The following RB1CC1 variants were observed in gnomAD, a reference collection of about 807,000 sequenced individuals.
The protein encoded by RB1CC1 is RB1-inducible coiled-coil protein 1.
A neutral mutation model predicts 177.5 loss-of-function variants in RB1CC1; 46 were observed. The observed-to-expected ratio is 0.26, with a 90% CI of 0.20 to 0.33. The LOEUF is 0.33. Among genes scored for constraint, RB1CC1 ranks in the 10% least tolerant of loss-of-function variants. The pLI is 1.00. For missense variants in RB1CC1, 1,703 were observed against 1,816.3 expected, an observed-to-expected ratio of 0.94 and a Z score of 1.13; for synonymous variants, 666 against 613.6, an observed-to-expected ratio of 1.09 and a Z score of -1.26.
chr8:52,649,656 A>C (rs1273548636), intron 15 of RB1CC1, among the ~76,000 whole-genome samples: 1 of 152,160 alleles, frequency 6.6e-6, no homozygotes, highest in Non-Finnish European at 1.5e-5. Flanking sequence ...TAAAATAAAA[A>C]TCTCTTTTGA....
intron 1 of RB1CC1, among the ~76,000 whole-genome samples, chr8:52,712,874 C>G (rs2150738745): frequency 2.0e-5 from 3 of 152,316 alleles, no homozygotes; most frequent in Middle Eastern, 3.4e-3. Flanking sequence ...TAGCAATGGT[C>G]TGCTTATAAA....
chr8:52,704,261 C>T (rs1007003672), intron 1 of RB1CC1, among the ~76,000 whole-genome samples: 4 of 152,038 alleles, frequency 2.6e-5, no homozygotes, highest in African/African-American at 7.2e-5. Context: ...TATAAATAGT[C>T]AAATCATACA....
Position 52,656,846 on chromosome 8 carries a change from G to C in RB1CC1, c.2983C>G (p.Leu995Val), listed in dbSNP as rs1374747682. ...AACTCTTGTATGTGCCTAACCTGAAGTGTGTCCTCTAATTCCTTTAGATGA... is the reference window on the plus strand; with the variant it reads ...AACTCTTGTATGTGCCTAACCTGAACTGTGTCCTCTAATTCCTTTAGATGA... The part of the protein sequence containing the change: ...QSHLKELEDT[L>V]QVRHIQEFEK... Residue 995 changes from leucine to valine, a missense_variant, in exon 15 of 24, where the codon CTT becomes GTT. Leu to Val is a conservative substitution (Grantham distance 32). Around this residue, in one of 6 missense-constraint regions of RB1CC1, gnomAD observed 1,169 missense variants for 1,184.7 expected, o/e 0.99. Transcript: ENST00000025008. The C allele has an allele frequency of 6.2e-7, 1 of 1,613,570 alleles. No homozygotes were observed. Among genetic ancestry groups the C allele is most frequent in the Non-Finnish European group, 8.5e-7 (1 of 1,180,000 alleles).
rs368534485 is a variant in RB1CC1, at chr8:52,656,937, C to T, written c.2892G>A (p.Lys964=). 6 of 1,613,196 alleles carry T rather than the reference C, an allele frequency of 3.7e-6. No homozygotes were observed. In the African/African-American group the frequency reaches 6.7e-5, roughly 18 times the overall value. Reference sequence around the variant, plus strand: ...ACTTCTCATCATTTTCAACATGGAGCTTTTTTAAGTCTTCTAACACTATTT... The same window carrying T: ...ACTTCTCATCATTTTCAACATGGAGTTTTTTTAAGTCTTCTAACACTATTT... ...SREIVLEDLK[K]LHVENDEKLQ... is the part of the protein sequence containing the mutation. The change falls in exon 15 of 24, where the codon AAG becomes AAA. Residue 964 remains lysine (K), a synonymous_variant. Coordinates refer to ENST00000025008, the MANE Select transcript of RB1CC1 (RefSeq NM_014781.5).
intron 4 of RB1CC1, 54 bp downstream of exon 4, chr8:52,683,833 C>T: frequency 2.5e-6 from 4 of 1,596,860 alleles, no homozygotes; most frequent in Non-Finnish European, 3.4e-6. Flanking sequence ...ACTGAGTTCC[C>T]AATGTGATGT....
intron 1 of RB1CC1, among the ~76,000 whole-genome samples, chr8:52,694,913 G>GA (rs1408543741): frequency 2.6e-5 from 4 of 152,176 alleles, no homozygotes; most frequent in Non-Finnish European, 4.4e-5. Context: ...AATATCCAAA[G>GA]ATGTGATTAC....
At chr8:52,698,683 T>G (rs1236308937) in intron 1 of RB1CC1, among the ~76,000 whole-genome samples, 1 of 1,870 alleles carries the variant, frequency 5.3e-4, no homozygotes, top group Non-Finnish European at 1.6e-3. Flanking sequence ...TTTTTTTTTT[T>G]TTTTTTTTTT....
intron 6 of RB1CC1, among the ~76,000 whole-genome samples, chr8:52,674,785 A>C (rs1852942367): frequency 6.6e-6 from 1 of 152,096 alleles, no homozygotes; most frequent in African/African-American, 2.4e-5. Flanking sequence ...AAAAAAAAAA[A>C]ACACTCTAAA....
chr8:52,634,770 C>G, intron 20 of RB1CC1, 151 bp downstream of exon 20: 2 of 612,166 alleles, frequency 3.3e-6, no homozygotes, highest in Non-Finnish European at 5.4e-6. Context: ...TTCTGAAAAT[C>G]AATAGGATTC....
Position 52,656,659 on chromosome 8 carries a change from C to A in RB1CC1, c.3170G>T (p.Arg1057Ile), listed in dbSNP as rs2150476213. The A allele has an allele frequency of 6.2e-7, 1 of 1,613,922 alleles. No individual in the cohort carries two copies. The highest frequency in any genetic ancestry group is 2.2e-5 in the East Asian group (1 of 44,866). ...KLKVSDLSDT[R>I]CKLEVELALK... ...CGCAAGTTCAACCTCTAACTTGCAT[C>A]TCGTGTCTGACAAATCAGAAACCTT... The change falls in exon 15 of 24, where the codon AGA becomes ATA. Residue 1057 changes from arginine (R) to isoleucine (I), a missense_variant. Around this residue, in one of 6 missense-constraint regions of RB1CC1, gnomAD observed 1,169 missense variants for 1,184.7 expected, o/e 0.99. Transcript: ENST00000025008.
chr8:52,659,308 G>T (rs1185281710), intron 12 of RB1CC1, among the ~76,000 whole-genome samples: 1 of 151,954 alleles, frequency 6.6e-6, no homozygotes, highest in African/African-American at 2.4e-5. Flanking sequence ...ATGTAAGTGT[G>T]TGCGTATATA....
intron 4 of RB1CC1, 46 bp from the exon 5 acceptor site, chr8:52,683,765 A>T: frequency 6.4e-7 from 1 of 1,560,546 alleles, no homozygotes. Context: ...AAATGTTATA[A>T]ATACTGAGCG....
chr8:52,653,956 G>A (rs1850860624), intron 15 of RB1CC1, among the ~76,000 whole-genome samples: 2 of 152,090 alleles, frequency 1.3e-5, no homozygotes, highest in Admixed American at 6.6e-5. Context: ...TCCCTTACTC[G>A]TGGAACAAGG....
Position 52,630,532 on chromosome 8 carries a change from A to G in RB1CC1, c.4441-4T>C, listed in dbSNP as rs754818935. The G allele has an allele frequency of 1.1e-6, 1 of 893,008 alleles. No individual in the cohort carries two copies. Among genetic ancestry groups the G allele is most frequent in the Admixed American group, 3.0e-5 (1 of 33,638 alleles). The allele number at this position is 893,008 out of a possible 1,614,324, so 55.3% of individuals were successfully genotyped here. On this transcript the variant is annotated splice_region_variant and splice_polypyrimidine_tract_variant and intron_variant, in intron 20 of 23. Transcript: ENST00000025008. ...CTGAAGACATGCTCTGAGACATCTA[A>G]AAAAAAAAAAAAAGTTTATGAACTT...
chr8:52,658,247 CAGAAGTATTTTA>C (rs1158442309), intron 13 of RB1CC1, 123 bp from the exon 14 acceptor site: 1 of 1,117,470 alleles, frequency 8.9e-7, no homozygotes, highest in East Asian at 2.6e-5. Context: ...AAATTAATAC[CAGAAGTATTTTA>C]AGAAGTTTGT....
At chr8:52,642,940 A>G (rs1054312856) in intron 16 of RB1CC1, 128 bp from the exon 17 acceptor site, 1 of 1,057,444 alleles carries the variant, frequency 9.5e-7, no homozygotes, top group Non-Finnish European at 1.2e-6. Flanking sequence ...ATGATTCATG[A>G]AATGTTTTAA....
In RB1CC1 at chr8:52,674,151, A is replaced by G; in HGVS notation, c.696T>C (p.Ala232=). The G allele has an allele frequency of 6.2e-7, 1 of 1,613,812 alleles. No homozygotes were observed. ...SLPEHEDSEK[A]EMKRSTELVL... ...CCAGTTCAGTGGATCTTTTCATCTC[A>G]GCTTTTTCTGAGTCTTCATGTTCAG... is the stretch of plus-strand genomic sequence containing the variant. Residue 232 remains alanine (A), a synonymous_variant, in exon 7 of 24, where the codon GCT becomes GCC. Coordinates refer to ENST00000025008, the MANE Select transcript of RB1CC1 (RefSeq NM_014781.5).
At chr8:52,711,995 T>C (rs1857098267) in intron 1 of RB1CC1, among the ~76,000 whole-genome samples, 1 of 151,634 alleles carries the variant, frequency 6.6e-6, no homozygotes, top group Non-Finnish European at 1.5e-5. Context: ...AGGTCAGGAG[T>C]TCAAGACCAG....
At position 52,683,870 on chromosome 8, in the gene RB1CC1, G is replaced by T; in HGVS notation, c.198+17C>A. On this transcript the variant is annotated intron_variant, in intron 4 of 23. Transcript: ENST00000025008. ...AAGATGTTGCATTCTTGTGTGAAAG[G>T]ACTCTTGAATACCTACCGTCCCAGC... The T allele has an allele frequency of 1.9e-6, 3 of 1,607,292 alleles. No homozygotes were observed. Among genetic ancestry groups the T allele is most frequent in the Non-Finnish European group, 2.5e-6 (3 of 1,178,032 alleles).
Sources: allele counts gnomAD v4.1 joint callset (sites outside exome capture counted in the v4.1 genomes callset), GRCh38; gene constraint gnomAD v4.1.1; regional missense constraint gnomAD v4.1.1; transcripts MANE v1.5; gene names NCBI Gene and HGNC (gene_info 2026-07-23, HGNC 2026-07-21).